KAZN: variants seen among roughly 807,000 people sequenced by gnomAD.
KAZN encodes the protein kazrin.
Under a neutral mutation model 87.4 loss-of-function variants are expected in KAZN, and 40 were observed. The ratio of observed to expected loss-of-function variants is 0.46; its 90% CI spans 0.36 to 0.60. The LOEUF (loss-of-function observed/expected upper bound fraction) is 0.60, where lower values mean the gene tolerates loss of function less well. Ranked by LOEUF, KAZN falls within the 20% of genes least tolerant of loss-of-function variation. The pLI is 0.00. For missense variants in KAZN, 898 were observed against 1,073.9 expected (o/e 0.84, Z 2.29); for synonymous variants, 466 against 458.3 (o/e 1.02, Z -0.22).
At chr1:15,007,147 C>T (rs1669110569) in intron 2 of KAZN, among the ~76,000 whole-genome samples, 1 of 151,946 alleles carries the variant, frequency 6.6e-6, no homozygotes, top group East Asian at 1.9e-4. Flanking sequence ...TGTATTTACT[C>T]AGTACCTTCA....
chr1:14,957,243 CAT>C (rs1192904733), intron 1 of KAZN, among the ~76,000 whole-genome samples: 4 of 152,192 alleles, frequency 2.6e-5, no homozygotes, highest in Non-Finnish European at 5.9e-5. Context: ...GCCTCCATGG[CAT>C]ATGAGATTTG....
rs1658813147 is a variant in KAZN, at chr1:14,923,751, C to T, written c.227-36933C>T. On this transcript the variant is annotated intron_variant, in intron 1 of 14. Coordinates refer to ENST00000376030, the MANE Select transcript of KAZN (RefSeq NM_201628.3). This position sits in a 1 kb window ranked among gnomAD's most constrained non-coding sequence, Gnocchi z 4.2. ...CCGGGGCTGCTCCCCTGCCCGCCCA[C>T]TCCTTCTGACCTCTCCCGGTCAGCT... is the stretch of plus-strand genomic sequence containing the variant. Among the ~76,000 whole-genome samples, 1 of 152,234 alleles carries T rather than the reference C, an allele frequency of 6.6e-6. No individual in the cohort carries two copies. Among genetic ancestry groups the T allele is most frequent in the Non-Finnish European group, 1.5e-5 (1 of 68,034 alleles).
At chr1:14,577,434 G>A (rs1675262062) in intron 2 of KAZN, among the ~76,000 whole-genome samples, 1 of 152,136 alleles carries the variant, frequency 6.6e-6, no homozygotes, top group Admixed American at 6.5e-5. Context: ...TTGGAAATGT[G>A]CCACTAATCA....
chr1:14,422,189 T>G (rs1665470847), intron 2 of KAZN, among the ~76,000 whole-genome samples: 1 of 152,252 alleles, frequency 6.6e-6, no homozygotes, highest in South Asian at 2.1e-4. Flanking sequence ...TTCTGTGTTT[T>G]GGCTTTGGTT....
intron 2 of KAZN, among the ~76,000 whole-genome samples, chr1:14,320,165 C>A (rs900930758): frequency 6.6e-6 from 1 of 152,078 alleles, no homozygotes; most frequent in African/African-American, 2.4e-5. Context: ...GTAACCCACA[C>A]CCATGTGTCT....
intron 1 of KAZN, among the ~76,000 whole-genome samples, chr1:14,140,860 T>C (rs998403674): frequency 1.3e-5 from 2 of 152,256 alleles, no homozygotes; most frequent in Middle Eastern, 3.4e-3. Context: ...CCTCATTCTC[T>C]GGGAAGAAAG....
chr1:14,129,314 G>C (rs1011015123), intron 1 of KAZN, among the ~76,000 whole-genome samples: 1 of 152,192 alleles, frequency 6.6e-6, no homozygotes, highest in Non-Finnish European at 1.5e-5. Context: ...CTTTCCCTCT[G>C]ATACTCGATC....
chr1:14,538,256 G>C (rs921312779), intron 2 of KAZN, among the ~76,000 whole-genome samples: 5 of 152,122 alleles, frequency 3.3e-5, no homozygotes, highest in African/African-American at 1.2e-4. Context: ...TTCTGAAAAT[G>C]GGTATGACAA....
At chr1:14,576,335 C>CGGAT (rs1279192432) in intron 2 of KAZN, among the ~76,000 whole-genome samples, 2 of 142,906 alleles carry the variant, frequency 1.4e-5, no homozygotes, top group Non-Finnish European at 3.0e-5. Context: ...GATGGATGGA[C>CGGAT]GGACAGATAA....
intron 1 of KAZN, among the ~76,000 whole-genome samples, chr1:14,108,058 C>G (rs12143806): frequency 0.15 from 22,328 of 152,050 alleles, 2,175 homozygotes; most frequent in Middle Eastern, 0.26. Context: ...TCCACATTGC[C>G]CTGTTACCCT....
chr1:15,024,408 C>T (rs1670978804), intron 2 of KAZN, among the ~76,000 whole-genome samples: 2 of 152,184 alleles, frequency 1.3e-5, no homozygotes, highest in African/African-American at 2.4e-5. Flanking sequence ...CCCTTTTGAA[C>T]ATTTTTGTTC....
At chr1:15,104,227 G>C in intron 13 of KAZN, 38 bp downstream of exon 13, 1 of 1,534,508 alleles carries the variant, frequency 6.5e-7, no homozygotes, top group Non-Finnish European at 8.8e-7. Context: ...TGGGCTGCTG[G>C]GTACAGTACA....
intron 1 of KAZN, among the ~76,000 whole-genome samples, chr1:14,723,890 T>A (rs1643246776): frequency 6.6e-6 from 1 of 152,160 alleles, no homozygotes; most frequent in African/African-American, 2.4e-5. Flanking sequence ...CCAGAGGTGA[T>A]GAAAAGAGAC....
chr1:14,741,898 T>G (rs1275587889), intron 1 of KAZN, among the ~76,000 whole-genome samples: 1 of 152,214 alleles, frequency 6.6e-6, no homozygotes, highest in African/African-American at 2.4e-5. Flanking sequence ...ATCCAAATAT[T>G]CCCTTTCTGT....
intron 2 of KAZN, among the ~76,000 whole-genome samples, chr1:14,391,009 C>T (rs1662370665): frequency 6.6e-6 from 1 of 152,308 alleles, no homozygotes; most frequent in South Asian, 2.1e-4. Context: ...GGTGAAAGCC[C>T]TTGAAGATTC....
At chr1:14,011,650 G>T (rs180888757) in intron 1 of KAZN, among the ~76,000 whole-genome samples, 7 of 152,276 alleles carry the variant, frequency 4.6e-5, no homozygotes, top group African/African-American at 1.7e-4. Flanking sequence ...GAGCCAGACT[G>T]CCTGGGTTTG....
chr1:14,419,736 G>A (rs1342510739), intron 2 of KAZN, among the ~76,000 whole-genome samples: 3 of 152,010 alleles, frequency 2.0e-5, no homozygotes, highest in African/African-American at 7.2e-5. Context: ...CGCGGTGAGC[G>A]TTAGGACTCT....
At chr1:14,438,516 G>C (rs907693511) in intron 2 of KAZN, among the ~76,000 whole-genome samples, 1 of 152,228 alleles carries the variant, frequency 6.6e-6, no homozygotes, top group African/African-American at 2.4e-5. Flanking sequence ...GAACATTCTA[G>C]ACATCAAGAC....
At chr1:14,806,960 C>A (rs1057204230) in intron 1 of KAZN, among the ~76,000 whole-genome samples, 3 of 152,222 alleles carry the variant, frequency 2.0e-5, no homozygotes, top group Non-Finnish European at 4.4e-5. Flanking sequence ...TGTGTCAGGA[C>A]TCCCTTGCAG....
Sources: allele counts gnomAD v4.1 joint callset (sites outside exome capture counted in the v4.1 genomes callset), GRCh38; gene constraint gnomAD v4.1.1; non-coding constraint Gnocchi (gnomAD v3.1); transcripts MANE v1.5; gene names NCBI Gene and HGNC (gene_info 2026-07-23, HGNC 2026-07-21).